The following COL18A1 variants were observed in gnomAD, a reference collection of about 807,000 sequenced individuals.
The protein encoded by COL18A1 is collagen alpha-1(XVIII) chain.
A neutral mutation model predicts 168.0 loss-of-function variants in COL18A1; 133 were observed. That is an observed-to-expected ratio of 0.79 (90% CI 0.69 to 0.91). The LOEUF (loss-of-function observed/expected upper bound fraction) is 0.91. Ranked by LOEUF, COL18A1 falls within the 40% of genes least tolerant of loss-of-function variation. The probability of loss-of-function intolerance (pLI) is 0.00; values close to 1 mark genes in which losing one functional copy is unlikely to be tolerated. For synonymous variants in COL18A1, 949 were observed against 809.0 expected, an observed-to-expected ratio of 1.17 and a Z score of -2.94; for missense variants, 2,126 against 1,925.4, an observed-to-expected ratio of 1.10 and a Z score of -1.95.
intron 2 of COL18A1, among the ~76,000 whole-genome samples, chr21:45,464,373 C>T (rs2035133463): frequency 2.0e-5 from 3 of 152,226 alleles, no homozygotes. Context: ...CTCGGCAAGA[C>T]TCCAGCCACA....
chr21:45,438,102 T>A (rs111220540), intron 2 of COL18A1, among the ~76,000 whole-genome samples: 4 of 66,288 alleles, frequency 6.0e-5, no homozygotes, highest in African/African-American at 7.0e-5. Flanking sequence ...ACACTCACAC[T>A]CACACTCAGA....
chr21:45,454,589 C>T (rs113024506), intron 2 of COL18A1, among the ~76,000 whole-genome samples: 128 of 152,312 alleles, frequency 8.4e-4, no homozygotes, highest in African/African-American at 2.9e-3. Flanking sequence ...TGATCTTGAG[C>T]GGGGTCACCA....
At chr21:45,448,867 C>T (rs982352434) in intron 2 of COL18A1, among the ~76,000 whole-genome samples, 8 of 152,222 alleles carry the variant, frequency 5.3e-5, no homozygotes, top group Non-Finnish European at 1.0e-4. Context: ...TGCCCGCCCC[C>T]GCTGCCCCAC....
chr21:45,411,624 A>G (rs1429844048), intron 2 of COL18A1, among the ~76,000 whole-genome samples: 1 of 152,054 alleles, frequency 6.6e-6, no homozygotes, highest in African/African-American at 2.4e-5. Flanking sequence ...TCGCTGACAC[A>G]GGCTCTGGAG....
chr21:45,460,965 C>G (rs140129809), intron 2 of COL18A1, among the ~76,000 whole-genome samples: 1 of 152,286 alleles, frequency 6.6e-6, no homozygotes, highest in African/African-American at 2.4e-5. Flanking sequence ...CCAAACAGGG[C>G]TTCCTGCAGG....
intron 2 of COL18A1, among the ~76,000 whole-genome samples, chr21:45,438,752 A>G (rs1427066894): frequency 6.6e-6 from 1 of 152,226 alleles, no homozygotes; most frequent in African/African-American, 2.4e-5. Context: ...CAGCACGTGG[A>G]CAAAGGCGCA....
At chr21:45,456,065 G>A (rs1190889732) in intron 2 of COL18A1, 3 of 1,605,292 alleles carry the variant, frequency 1.9e-6, no homozygotes, top group Admixed American at 3.3e-5. Context: ...TAGCTCTCCG[G>A]GCGCCCACAC....
Position 45,411,778 on chromosome 21 carries a change from A to AGGGGGGGGGGGG in COL18A1, c.106+6307_106+6308insGGGGGGGGGGGG, listed in dbSNP as rs1569273645. Among the ~76,000 whole-genome samples, 26 of 108,308 alleles carry AGGGGGGGGGGGG rather than the reference A, an allele frequency of 2.4e-4. 1 individual carries two copies. The highest frequency in any genetic ancestry group is 6.5e-4 in the African/African-American group (16 of 24,456). The allele number at this position is 108,308 out of a possible 152,430, so 71.1% of individuals were successfully genotyped here. A position where few individuals can be genotyped will look rare whatever the true frequency, so the allele number is the denominator to read the frequency against. On this transcript the variant is annotated intron_variant, in intron 2 of 41. Coordinates refer to ENST00000651438, the MANE Select transcript of COL18A1 (RefSeq NM_001379500.1). Reference sequence around the variant, plus strand: ...TGATGGCGGGGGGTGGGGGGGGGGCAGGCTGTGGTCAGGGACCTGCAGGAG... The same window carrying AGGGGGGGGGGGG: ...TGATGGCGGGGGGTGGGGGGGGGGCAGGGGGGGGGGGGGGCTGTGGTCAGGGACCTGCAGGAG...
At chr21:45,416,842 C>T (rs1459036030) in intron 2 of COL18A1, among the ~76,000 whole-genome samples, 1 of 152,142 alleles carries the variant, frequency 6.6e-6, no homozygotes, top group Non-Finnish European at 1.5e-5. Flanking sequence ...TCCCTTCCCT[C>T]GTTCTGCATA....
chr21:45,505,660 G>C (rs997561674), intron 36 of COL18A1, among the ~76,000 whole-genome samples, 178 bp from the exon 37 acceptor site: 1 of 152,170 alleles, frequency 6.6e-6, no homozygotes, highest in East Asian at 1.9e-4. Flanking sequence ...CCACGGAGGC[G>C]CAGGAGCTGG....
chr21:45,492,359 C>T (rs1352061617), intron 22 of COL18A1, among the ~76,000 whole-genome samples, 176 bp from the exon 23 acceptor site: 2 of 152,226 alleles, frequency 1.3e-5, no homozygotes, highest in Non-Finnish European at 2.9e-5. Flanking sequence ...TCCAGCTGCT[C>T]TGAGCTGAGG....
intron 15 of COL18A1, among the ~76,000 whole-genome samples, chr21:45,485,512 T>A (rs1053893390): frequency 6.6e-6 from 1 of 151,752 alleles, no homozygotes; most frequent in Non-Finnish European, 1.5e-5. Context: ...GAAAAAAAAA[T>A]TAGATTTTTA....
Position 45,496,533 on chromosome 21 carries a change from C to T in COL18A1, c.2542C>T (p.Pro848Ser). Residue 848 changes from proline to serine, a missense_variant, in exon 30 of 42, where the codon CCA becomes TCA. Pro to Ser is a moderately conservative substitution (Grantham distance 74, BLOSUM62 -1). Coordinates refer to ENST00000651438, the MANE Select transcript of COL18A1 (RefSeq NM_001379500.1). ...CGGCCCCCCAGGACCTCCAGGGCCC[C>T]CAGGCCCTCCAGGGACTCCTGTTTA... ...MPGPPGPPGPPGPPGTPVYDS... is the reference protein window; with the variant it reads ...MPGPPGPPGPSGPPGTPVYDS... The T allele has an allele frequency of 5.2e-6, 8 of 1,528,542 alleles. No individual in the cohort carries two copies. The highest frequency in any genetic ancestry group is 7.3e-6 in the Non-Finnish European group (8 of 1,102,936). The allele number at this position is 1,528,542 out of a possible 1,614,324, so 94.7% of individuals were successfully genotyped here.
intron 7 of COL18A1, 49 bp downstream of exon 7, chr21:45,477,536 G>A: frequency 6.5e-7 from 1 of 1,539,926 alleles, no homozygotes; most frequent in Non-Finnish European, 8.8e-7. Flanking sequence ...CAGAGCACCT[G>A]TGGCCTTTTG....
chr21:45,490,588 CCGTGTGCCCTCCCGGGTCCCTGGGCCTT>C (rs1359199250), intron 20 of COL18A1, among the ~76,000 whole-genome samples: 27 of 139,802 alleles, frequency 1.9e-4, no homozygotes, highest in South Asian at 6.8e-4. Flanking sequence ...CCCTGGGCCT[CCGTGTGCCCTCCCGGGTCCCTGGGCCTT>C]CGTGTGCCCT....
chr21:45,505,494 T>C (rs1401410026), intron 36 of COL18A1, 63 bp downstream of exon 36: 1 of 869,506 alleles, frequency 1.2e-6, no homozygotes, highest in Admixed American at 2.0e-5. Context: ...CTGCAGCCCC[T>C]GCCCCTCAGA....
At chr21:45,484,652 T>C (rs1256500819) in intron 15 of COL18A1, among the ~76,000 whole-genome samples, 1 of 148,276 alleles carries the variant, frequency 6.7e-6, no homozygotes, top group Non-Finnish European at 1.5e-5. Flanking sequence ...CACGCATCTC[T>C]TATGTGCACA....
At chr21:45,406,951 C>G (rs897890074) in intron 2 of COL18A1, among the ~76,000 whole-genome samples, 1 of 152,242 alleles carries the variant, frequency 6.6e-6, no homozygotes, top group Non-Finnish European at 1.5e-5. Context: ...TCTTCTGTCC[C>G]GGGCCTGCCC....
Position 45,494,531 on chromosome 21 carries a change from GT to G in COL18A1, c.2353-7del. The G allele has an allele frequency of 1.9e-6, 3 of 1,613,408 alleles. No individual in the cohort carries two copies. The highest frequency in any genetic ancestry group is 2.5e-6 in the Non-Finnish European group (3 of 1,179,966). On this transcript the variant is annotated splice_polypyrimidine_tract_variant and intron_variant, in intron 26 of 41. Coordinates refer to ENST00000651438, the MANE Select transcript of COL18A1 (RefSeq NM_001379500.1). ...AGCTGCCACCTAACCCTGTCTTCTT[GT>G]TTTTTTGCTCAGGGAGAGCCGGGCT... is the stretch of plus-strand genomic sequence containing the variant.
Sources: allele counts gnomAD v4.1 joint callset (sites outside exome capture counted in the v4.1 genomes callset), GRCh38; gene constraint gnomAD v4.1.1; transcripts MANE v1.5; gene names NCBI Gene and HGNC (gene_info 2026-07-23, HGNC 2026-07-21).